Variants in ACSL4 observed in about 807,000 individuals in gnomAD.
ACSL4 encodes long-chain-fatty-acid--CoA ligase 4.
A neutral mutation model predicts 49.1 loss-of-function variants in ACSL4; 9 were observed. The ratio of observed to expected loss-of-function variants is 0.18; its 90% CI spans 0.11 to 0.32. The LOEUF (loss-of-function observed/expected upper bound fraction) is 0.32. Among genes scored for constraint, ACSL4 ranks in the 10% least tolerant of loss-of-function variants. The pLI is 1.00. For missense variants in ACSL4, 333 were observed against 493.7 expected (o/e 0.67, Z 3.08); for synonymous variants, 191 against 170.3 (o/e 1.12, Z -0.95).
intron 1 of ACSL4, among the ~76,000 whole-genome samples, chrX:109,723,608 T>C: frequency 8.9e-6 from 1 of 112,245 alleles, no homozygotes; most frequent in East Asian, 2.8e-4. Flanking sequence ...ACAGTATAAC[T>C]TACCATTATT....
chrX:109,699,575 C>T (rs1925714297), intron 1 of ACSL4, among the ~76,000 whole-genome samples: 2 of 111,216 alleles, frequency 1.8e-5, no homozygotes, highest in South Asian at 3.7e-4. Flanking sequence ...AAATACAGGT[C>T]AAAAACAGTA....
At chrX:109,667,137 GAAT>G (rs899874834) in intron 11 of ACSL4, among the ~76,000 whole-genome samples, 1 of 112,502 alleles carries the variant, frequency 8.9e-6, no homozygotes, top group Non-Finnish European at 1.9e-5. Context: ...AGACAGTTTA[GAAT>G]AATGGCATTG....
chrX:109,721,657 G>A (rs112017424), intron 1 of ACSL4, among the ~76,000 whole-genome samples: 2,417 of 109,822 alleles, frequency 0.022, 77 homozygotes, highest in African/African-American at 0.076. Context: ...GCTTGAACCT[G>A]GGAGGCAGAG....
chrX:109,680,128 C>T (rs1016264039), intron 6 of ACSL4, among the ~76,000 whole-genome samples: 3 of 111,508 alleles, frequency 2.7e-5, no homozygotes, highest in Admixed American at 9.5e-5. Context: ...GACACAAATG[C>T]TGATATGATA....
intron 15 of ACSL4, among the ~76,000 whole-genome samples, chrX:109,656,619 A>G (rs1159174899): frequency 9.0e-6 from 1 of 110,817 alleles, no homozygotes; most frequent in Non-Finnish European, 1.9e-5. Context: ...AAAAACAACT[A>G]AAGTTGAAGA....
Position 109,663,113 on chromosome X carries a change from T to C in ACSL4, c.1582+98A>G, listed in dbSNP as rs1051218166. 47 of 798,063 alleles carry C rather than the reference T, an allele frequency of 5.9e-5. No individual in the cohort carries two copies. In the South Asian group the frequency reaches 7.2e-4, roughly 12 times the overall value. 65.8% of individuals were successfully genotyped at this position (798,063 alleles called of 1,213,427 possible). A position where few individuals can be genotyped will look rare whatever the true frequency, so the allele number is the denominator to read the frequency against. On this transcript the variant is annotated intron_variant, in intron 13 of 15. Coordinates refer to ENST00000672401, the MANE Select transcript of ACSL4 (RefSeq NM_001318510.2). ...ATAACTTGTCCAAAGTTTGAACTAA[T>C]GGAACCATCAACTTTATTAATGACT...
chrX:109,690,412 G>A (rs1230265198), intron 2 of ACSL4, among the ~76,000 whole-genome samples: 1 of 111,610 alleles, frequency 9.0e-6, no homozygotes, highest in East Asian at 2.8e-4. Context: ...ATTCCATATG[G>A]GAATCATAGT....
intron 15 of ACSL4, among the ~76,000 whole-genome samples, chrX:109,654,259 C>A (rs1273584826): frequency 1.8e-5 from 2 of 110,347 alleles, no homozygotes; most frequent in Non-Finnish European, 3.8e-5. Context: ...GTATATATAC[C>A]AAAATGTAAT....
intron 15 of ACSL4, 35 bp downstream of exon 15, chrX:109,659,319 T>G: frequency 8.5e-7 from 1 of 1,183,171 alleles, no homozygotes; most frequent in Non-Finnish European, 1.1e-6. Context: ...AGATGACTTT[T>G]AGGGACTATA....
chrX:109,730,715 T>A (rs1928364625), intron 1 of ACSL4, among the ~76,000 whole-genome samples: 1 of 112,593 alleles, frequency 8.9e-6, no homozygotes, highest in African/African-American at 3.2e-5. Flanking sequence ...AGGCAGTATG[T>A]GAGTGCGGTG....
chrX:109,671,946 G>A (rs970614032), intron 9 of ACSL4, among the ~76,000 whole-genome samples: 1 of 109,077 alleles, frequency 9.2e-6, no homozygotes, highest in Admixed American at 9.8e-5. Flanking sequence ...TGCGGAAGGC[G>A]GCAGGGCCCT....
intron 1 of ACSL4, among the ~76,000 whole-genome samples, chrX:109,731,087 A>G (rs760679223): frequency 8.9e-6 from 1 of 111,973 alleles, no homozygotes; most frequent in South Asian, 3.7e-4. Context: ...CTGAGTTTAT[A>G]GATTTTCACA....
rs764575811 is a variant in ACSL4, at chrX:109,720,191, G to A, written c.-66+12948C>T. 1.4e-4 allele frequency among the ~76,000 whole-genome samples: 15 copies of A among 107,322 alleles called. 3 individuals carry two copies. The South Asian group carries it at 1.6e-3, about 12-fold the overall frequency. The allele number at this position is 107,322 out of a possible 115,157, so 93.2% of individuals were successfully genotyped here. On this transcript the variant is annotated intron_variant, in intron 1 of 15. Transcript: ENST00000672401. The stretch of plus-strand genomic sequence containing the variant: ...CTAAAAATACAAAAATTAGCTGGGC[G>A]TGGTGGCACAGGCCTGTAATCCCAG...
At position 109,669,008 on chromosome X, in the gene ACSL4, C is replaced by T. The variant is rs767604057; in HGVS notation, c.1142+26G>A. On this transcript the variant is annotated intron_variant, in intron 10 of 15. Transcript: ENST00000672401. ...GCATAAAAAAATTTAAAGGCTCAAA[C>T]CACAGAGCCTATGAAATGTACTTAC... is the stretch of plus-strand genomic sequence containing the variant. 1.3e-5 allele frequency: 15 copies of T among 1,189,487 alleles called. No homozygotes were observed. The South Asian group carries it at 2.0e-4, about 16-fold the overall frequency.
intron 1 of ACSL4, among the ~76,000 whole-genome samples, chrX:109,720,167 T>A (rs1405741106): frequency 9.2e-6 from 1 of 108,121 alleles, no homozygotes; most frequent in Non-Finnish European, 1.9e-5. Context: ...GTAATTCTAC[T>A]AAAAATACAA....
rs191072898 is a variant in ACSL4 at position 109,667,976 on chromosome X, G to A, written c.1315+125C>T. 8.0e-6 allele frequency: 4 copies of A among 499,630 alleles called. No homozygotes were observed. In the African/African-American group the frequency reaches 9.5e-5, roughly 12 times the overall value. The allele number at this position is 499,630 out of a possible 1,213,427, so 41.2% of individuals were successfully genotyped here. A position where few individuals can be genotyped will look rare whatever the true frequency, so the allele number is the denominator to read the frequency against. On this transcript the variant is annotated intron_variant, in intron 11 of 15. Transcript: ENST00000672401. ...AGAATTCATAAACCAAAACTACACTGATTTGCAATGAATCTGATATTAGTT... is the reference window on the plus strand; with the variant it reads ...AGAATTCATAAACCAAAACTACACTAATTTGCAATGAATCTGATATTAGTT...
chrX:109,698,429 T>C (rs1404087552), intron 1 of ACSL4, among the ~76,000 whole-genome samples: 1 of 111,569 alleles, frequency 9.0e-6, no homozygotes, highest in Non-Finnish European at 1.9e-5. Context: ...ACCATGTGGG[T>C]TGCATTTATA....
chrX:109,730,080 AATAC>A (rs1451186302), intron 1 of ACSL4, among the ~76,000 whole-genome samples: 4 of 112,260 alleles, frequency 3.6e-5, no homozygotes, highest in Non-Finnish European at 7.5e-5. Context: ...TGTAGAACTA[AATAC>A]ATACATGCAA....
Position 109,715,633 on chromosome X carries a change from T to TTA in ACSL4, c.-66+17504_-66+17505dup, listed in dbSNP as rs757245664. On this transcript the variant is annotated intron_variant, in intron 1 of 15. Coordinates refer to ENST00000672401, the MANE Select transcript of ACSL4 (RefSeq NM_001318510.2). ...CCGACTGCATCTCAAAAAAATAAAA[T>TTA]TATATATATATATAGAGAGAGATCA... 2.5e-3 allele frequency among the ~76,000 whole-genome samples: 273 copies of TTA among 108,800 alleles called. 1 individual carries two copies. Among genetic ancestry groups the TTA allele is most frequent in the Non-Finnish European group, 4.1e-3 (212 of 52,262 alleles). 94.5% of individuals were successfully genotyped at this position (108,800 alleles called of 115,157 possible). A position where few individuals can be genotyped will look rare whatever the true frequency, so the allele number is the denominator to read the frequency against.
Sources: gnomAD v4.1 joint callset for allele counts (sites outside exome capture counted in the v4.1 genomes callset) on GRCh38, gnomAD v4.1.1 for gene constraint, MANE v1.5 for transcripts, NCBI Gene and HGNC (gene_info 2026-07-23, HGNC 2026-07-21) for gene names.